The following MED26 variants were observed in gnomAD, a reference collection of about 807,000 sequenced individuals.
MED26 encodes the protein mediator complex subunit 26, also known as mediator of RNA polymerase II transcription subunit 26.
MED26 carries 7 observed loss-of-function variants against 43.7 expected under a neutral mutation model. That is an observed-to-expected ratio of 0.16 (90% confidence interval 0.09 to 0.30). MED26 has a LOEUF of 0.30. Ranked by LOEUF, MED26 falls within the 10% of genes least tolerant of loss-of-function variation. The probability of loss-of-function intolerance (pLI) is 1.00; values close to 1 mark genes in which losing one functional copy is unlikely to be tolerated. For missense variants in MED26, 784 were observed against 840.6 expected (o/e 0.93, Z 0.83); for synonymous variants, 375 against 371.1 (o/e 1.01, Z -0.12).
rs747864157 is a variant in MED26, at chr19:16,577,303, T to C, written c.527A>G (p.Asn176Ser). 3 of 1,611,774 alleles carry C rather than the reference T, an allele frequency of 1.9e-6. No homozygotes were observed. The highest frequency in any genetic ancestry group is 2.7e-5 in the African/African-American group (2 of 74,968). The change falls in exon 3 of 3, where the codon AAC (asparagine) becomes AGC (serine). Residue 176 changes from asparagine (N) to serine (S), a missense_variant. Physicochemically the swap from Asn to Ser is conservative, Grantham distance 46. This residue lies in a region of MED26 where 719 missense variants were observed against 730.9 expected (regional missense o/e 0.98). Coordinates refer to ENST00000263390, the MANE Select transcript of MED26 (RefSeq NM_004831.5). The surrounding 1 kb of genome is among the most constrained non-coding windows in gnomAD (Gnocchi z 8.1). ...SKASHDPLVP[N>S]SSPLPTNGIS... is the part of the protein sequence containing the mutation. The stretch of plus-strand genomic sequence containing the variant: ...CCCGTTGGTGGGGAGGGGGGATGAG[T>C]TGGGGACCAGGGGGTCGTGGCTAGC...
At chr19:16,604,258 A>G (rs1198940845) in intron 1 of MED26, among the ~76,000 whole-genome samples, 1 of 152,214 alleles carries the variant, frequency 6.6e-6, no homozygotes, top group African/African-American at 2.4e-5. Context: ...CCACATGCAC[A>G]GTATGGCCCA....
chr19:16,613,429 C>T (rs1436934183), intron 1 of MED26, among the ~76,000 whole-genome samples: 4 of 152,244 alleles, frequency 2.6e-5, no homozygotes, highest in Non-Finnish European at 5.9e-5. Context: ...GGAAGGGACA[C>T]GGGATCCTCT....
chr19:16,625,787 G>C (rs188615128), intron 1 of MED26, among the ~76,000 whole-genome samples: 1 of 152,250 alleles, frequency 6.6e-6, no homozygotes, highest in African/African-American at 2.4e-5. Context: ...CATGGTGTTT[G>C]CTCAAAGCAA....
intron 1 of MED26, among the ~76,000 whole-genome samples, chr19:16,597,792 A>G (rs2086128609): frequency 6.6e-6 from 1 of 152,120 alleles, no homozygotes; most frequent in African/African-American, 2.4e-5. Context: ...ATGTGATCTC[A>G]GCTCACCGCA....
Position 16,576,330 on chromosome 19 carries a change from CGAT to C in MED26, c.1497_1499del (p.Ser500del). The C allele has an allele frequency of 6.2e-7, 1 of 1,613,800 alleles. No individual in the cohort carries two copies. Among genetic ancestry groups the C allele is most frequent in the Non-Finnish European group, 8.5e-7 (1 of 1,180,022 alleles). On this transcript the variant is annotated inframe_deletion, in exon 3 of 3. Coordinates refer to ENST00000263390, the MANE Select transcript of MED26 (RefSeq NM_004831.5). This position sits in a 1 kb window ranked among gnomAD's most constrained non-coding sequence, Gnocchi z 6.8. ...GGTGAGCCCCTGGGGTCTGCGCGCC[CGAT>C]GATGAGAGCAGGCTGCTCTGCCGGC...
intron 1 of MED26, among the ~76,000 whole-genome samples, chr19:16,604,516 G>A (rs2086163694): frequency 1.3e-5 from 2 of 152,216 alleles, no homozygotes; most frequent in African/African-American, 4.8e-5. Flanking sequence ...CAGGAGTGCA[G>A]GGCCATGCCT....
chr19:16,576,246 C>T lies in MED26; in HGVS notation c.1584G>A (p.Leu528=), dbSNP rs1317031574. The change falls in exon 3 of 3, where the codon CTG becomes CTA. Residue 528 remains leucine, a synonymous_variant. Coordinates refer to ENST00000263390, the MANE Select transcript of MED26 (RefSeq NM_004831.5). This position sits in a 1 kb window ranked among gnomAD's most constrained non-coding sequence, Gnocchi z 6.8. ...EESTRQGARQ[L]HVLVPQSPPT... ...GCGGGCTTTGAGGCACCAGCACATG[C>T]AGCTGCCTGGCCCCTTGCCGGGTGC... 6.2e-7 allele frequency: 1 copy of T among 1,611,134 alleles called. No homozygotes were observed. The highest frequency in any genetic ancestry group is 1.7e-5 in the Admixed American group (1 of 59,996).
chr19:16,627,801 A>G (rs1599352950), intron 1 of MED26, 71 bp downstream of exon 1: 2 of 1,129,142 alleles, frequency 1.8e-6, no homozygotes, highest in Non-Finnish European at 2.4e-6. Context: ...CCGGTGGGCG[A>G]GGGGTACAGG....
At chr19:16,597,023 G>A (rs1311701730) in intron 1 of MED26, among the ~76,000 whole-genome samples, 1 of 152,192 alleles carries the variant, frequency 6.6e-6, no homozygotes, top group Admixed American at 6.5e-5. Flanking sequence ...ATGGTCAGAG[G>A]GTGACAGATG....
chr19:16,585,434 G>T (rs1220258084), intron 1 of MED26, among the ~76,000 whole-genome samples: 1 of 152,136 alleles, frequency 6.6e-6, no homozygotes, highest in Non-Finnish European at 1.5e-5. Flanking sequence ...GCAAGAAGGG[G>T]TGGGGGCTAG....
intron 1 of MED26, among the ~76,000 whole-genome samples, chr19:16,581,870 T>C (rs904013143): frequency 6.6e-6 from 1 of 152,236 alleles, no homozygotes; most frequent in Non-Finnish European, 1.5e-5. Flanking sequence ...TGCTACAGCC[T>C]TGGCAGTCCC....
Position 16,586,087 on chromosome 19 carries a change from G to C in MED26, c.73-7678C>G, listed in dbSNP as rs1177035021. 6.6e-6 allele frequency among the ~76,000 whole-genome samples: 1 copy of C among 152,196 alleles called. No homozygotes were observed. Among genetic ancestry groups the C allele is most frequent in the Admixed American group, 6.5e-5 (1 of 15,290 alleles). On this transcript the variant is annotated intron_variant, in intron 1 of 2. Transcript: ENST00000263390. This position sits in a 1 kb window ranked among gnomAD's most constrained non-coding sequence, Gnocchi z 5.1. ...GTTCCCACCCCGCCTGAGATCCCCA[G>C]CCTCTTGGGAATGCAGCTGTGGTAG...
chr19:16,594,658 A>T (rs1224825150), intron 1 of MED26, among the ~76,000 whole-genome samples: 1 of 152,156 alleles, frequency 6.6e-6, no homozygotes, highest in African/African-American at 2.4e-5. Context: ...GAAGGGGGAA[A>T]AAACCAGAAC....
intron 1 of MED26, among the ~76,000 whole-genome samples, chr19:16,598,198 G>A (rs1053676902): frequency 4.0e-5 from 6 of 151,668 alleles, no homozygotes; most frequent in Non-Finnish European, 8.8e-5. Context: ...TTAGCCGGGC[G>A]AGGTGGTGCA....
chr19:16,596,033 C>T (rs1303454040), intron 1 of MED26, among the ~76,000 whole-genome samples: 1 of 152,188 alleles, frequency 6.6e-6, no homozygotes. Flanking sequence ...TTTCTTGAGA[C>T]AGGGTCTCGC....
intron 1 of MED26, among the ~76,000 whole-genome samples, chr19:16,604,113 C>T (rs1219982943): frequency 1.3e-5 from 2 of 152,238 alleles, no homozygotes; most frequent in East Asian, 3.9e-4. Flanking sequence ...CGGCTTCTAG[C>T]AGGGAATGCT....
At chr19:16,620,622 A>G (rs1250879340) in intron 1 of MED26, among the ~76,000 whole-genome samples, 1 of 152,248 alleles carries the variant, frequency 6.6e-6, no homozygotes, top group East Asian at 1.9e-4. Flanking sequence ...ACCTGTTATC[A>G]GCAGGAATAT....
In MED26 at chr19:16,576,228, T is replaced by G. The variant is rs776453499; in HGVS notation, c.1602A>C (p.Gln534His). Reference protein sequence around the residue: ...GARQLHVLVPQSPPTDLPGLT... With the variant: ...GARQLHVLVPHSPPTDLPGLT... The stretch of plus-strand genomic sequence containing the variant: ...GACCAGGGAGGTCCGTGGGCGGGCT[T>G]TGAGGCACCAGCACATGCAGCTGCC... Residue 534 changes from glutamine (Q) to histidine (H), a missense_variant, in exon 3 of 3, where the codon CAA (glutamine) becomes CAC (histidine). Physicochemically the swap from Gln to His is conservative, Grantham distance 24 (BLOSUM62 0). This residue lies in a region of MED26 where 719 missense variants were observed against 730.9 expected (regional missense o/e 0.98). Coordinates refer to ENST00000263390, the MANE Select transcript of MED26 (RefSeq NM_004831.5). The surrounding 1 kb of genome is among the most constrained non-coding windows in gnomAD (Gnocchi z 6.8). 1.9e-6 allele frequency: 3 copies of G among 1,611,456 alleles called. No homozygotes were observed. Among genetic ancestry groups the G allele is most frequent in the East Asian group, 2.2e-5 (1 of 44,866 alleles).
rs2085991123 is a variant in MED26 at position 16,575,778 on chromosome 19, T to C, written c.*249A>G. The C allele has an allele frequency of 1.9e-6, 1 of 532,746 alleles. No individual in the cohort carries two copies. The allele number at this position is 532,746 out of a possible 1,614,324, so 33.0% of individuals were successfully genotyped here. On this transcript the variant is annotated 3_prime_UTR_variant, in exon 3 of 3. Coordinates refer to ENST00000263390, the MANE Select transcript of MED26 (RefSeq NM_004831.5). ...TTGCTATAGAGTTCTGAACTCACTTTGCCGTCCTTCCTTCCACGCGGTCCT... is the reference window on the plus strand; with the variant it reads ...TTGCTATAGAGTTCTGAACTCACTTCGCCGTCCTTCCTTCCACGCGGTCCT...
Sources: allele counts gnomAD v4.1 joint callset (sites outside exome capture counted in the v4.1 genomes callset), GRCh38; gene constraint gnomAD v4.1.1; regional missense constraint gnomAD v4.1.1; non-coding constraint Gnocchi (gnomAD v3.1); transcripts MANE v1.5; gene names NCBI Gene and HGNC (gene_info 2026-07-23, HGNC 2026-07-21).